OPCML: variants seen among roughly 807,000 people sequenced by gnomAD.
OPCML encodes opioid binding protein/cell adhesion molecule like.
Under a neutral mutation model 37.8 loss-of-function variants are expected in OPCML, and 13 were observed. The observed-to-expected ratio is 0.34, with a 90% CI of 0.22 to 0.55. The LOEUF (loss-of-function observed/expected upper bound fraction) is 0.55, where lower values mean the gene tolerates loss of function less well. OPCML is among the 20% of genes least tolerant of loss of function. OPCML has a pLI of 0.91. For synonymous variants in OPCML, 176 were observed against 168.8 expected, an observed-to-expected ratio of 1.04 and a Z score of -0.33; for missense variants, 341 against 435.6, an observed-to-expected ratio of 0.78 and a Z score of 1.93.
chr11:132,712,819 G>T (rs903504523), intron 2 of OPCML, among the ~76,000 whole-genome samples: 3 of 152,136 alleles, frequency 2.0e-5, no homozygotes, highest in African/African-American at 4.8e-5. Context: ...AAGGAGAGGG[G>T]AAATGACATG....
intron 1 of OPCML, among the ~76,000 whole-genome samples, chr11:133,059,811 G>A (rs1591961967): frequency 6.6e-6 from 1 of 152,154 alleles, no homozygotes. Flanking sequence ...TTAGACTTGG[G>A]TACTTGGCAG....
chr11:133,427,951 T>C (rs1946036644), intron 1 of OPCML, among the ~76,000 whole-genome samples: 1 of 152,128 alleles, frequency 6.6e-6, no homozygotes, highest in Admixed American at 6.5e-5. Flanking sequence ...ACAAGACAAA[T>C]TGCTTCCTAC....
At chr11:133,035,403 A>C (rs1268860230) in intron 1 of OPCML, among the ~76,000 whole-genome samples, 2 of 152,234 alleles carry the variant, frequency 1.3e-5, no homozygotes, top group East Asian at 3.9e-4. Flanking sequence ...AGGCACAGGC[A>C]GCACCTCCAA....
intron 1 of OPCML, among the ~76,000 whole-genome samples, chr11:133,157,639 A>G (rs1007226270): frequency 3.3e-5 from 5 of 152,060 alleles, no homozygotes; most frequent in Non-Finnish European, 5.9e-5. Context: ...CATCTTTCCA[A>G]CTAGCTCACG....
chr11:132,484,266 C>G (rs547585322), intron 4 of OPCML, among the ~76,000 whole-genome samples: 74 of 152,262 alleles, frequency 4.9e-4, no homozygotes, highest in African/African-American at 1.7e-3. Flanking sequence ...AGGACATGAA[C>G]AGACACTTCT....
intron 1 of OPCML, chr11:133,004,906 T>C: frequency 1.0e-6 from 1 of 985,364 alleles, no homozygotes; most frequent in African/African-American, 1.7e-5. Flanking sequence ...CCTCACTAGC[T>C]TCTGTGGACT....
chr11:132,947,421 T>G (rs1308305973), intron 1 of OPCML, among the ~76,000 whole-genome samples: 2 of 152,240 alleles, frequency 1.3e-5, no homozygotes, highest in African/African-American at 4.8e-5. Flanking sequence ...GGCCTGTGTC[T>G]ATTTCCTTCT....
intron 1 of OPCML, among the ~76,000 whole-genome samples, chr11:133,288,980 C>A (rs1276556126): frequency 2.0e-5 from 3 of 152,056 alleles, no homozygotes; most frequent in Non-Finnish European, 2.9e-5. Flanking sequence ...ATCAGGGACG[C>A]ACATGTGGAA....
At chr11:133,315,758 A>G (rs1196706179) in intron 1 of OPCML, among the ~76,000 whole-genome samples, 2 of 152,152 alleles carry the variant, frequency 1.3e-5, no homozygotes, top group Non-Finnish European at 2.9e-5. Context: ...AGATCATGCC[A>G]CCACACTCCA....
rs1666715877 is a variant in OPCML, at chr11:133,003,622, A to G, written c.62-60612T>C. On this transcript the variant is annotated intron_variant, in intron 1 of 7. Coordinates refer to ENST00000524381, the MANE Select transcript of OPCML (RefSeq NM_001012393.5). The stretch of plus-strand genomic sequence containing the variant: ...ATATTGGCTGGAGAGTACTTTTCAG[A>G]TGACCACAATATTCTATTGTTTTGT... The G allele has an allele frequency of 5.1e-6, 5 of 982,996 alleles. No individual in the cohort carries two copies. In the South Asian group the frequency reaches 1.9e-4, roughly 37 times the overall value. 60.9% of individuals were successfully genotyped at this position (982,996 alleles called of 1,614,324 possible).
At chr11:133,410,634 T>TAAAAAAAAAAAAAAAAAAAAAAAAAAA (rs71038527) in intron 1 of OPCML, among the ~76,000 whole-genome samples, 1 of 47,012 alleles carries the variant, frequency 2.1e-5, no homozygotes, top group African/African-American at 6.0e-5. Context: ...AGAAAAAAAG[T>TAAAAAAAAAAAAAAAAAAAAAAAAAAA]AAAAAAAAAA....
intron 1 of OPCML, among the ~76,000 whole-genome samples, chr11:133,095,502 A>C (rs1317898777): frequency 6.7e-6 from 1 of 149,294 alleles, no homozygotes; most frequent in African/African-American, 2.5e-5. Context: ...TAAATGAGAA[A>C]ATGAAAGGAT....
Position 133,345,537 on chromosome 11 carries a change from C to A in OPCML, c.61+186727G>T, listed in dbSNP as rs140890476. Among the ~76,000 whole-genome samples the A allele has an allele frequency of 2.6e-5, 4 of 152,302 alleles. No homozygotes were observed. The East Asian group carries it at 7.7e-4, about 29-fold the overall frequency. ...TAGTCTTTCATTAAATGCTAGATTC[C>A]TGTTCACAACATCACACTTGGGCTT... On this transcript the variant is annotated intron_variant, in intron 1 of 7. Coordinates refer to ENST00000524381, the MANE Select transcript of OPCML (RefSeq NM_001012393.5).
At chr11:132,675,186 T>TAG (rs1423789900) in intron 2 of OPCML, among the ~76,000 whole-genome samples, 1 of 83,918 alleles carries the variant, frequency 1.2e-5, no homozygotes, top group Admixed American at 1.4e-4. Context: ...TGTGTGTATA[T>TAG]ATATATATAT....
chr11:132,825,583 C>T (rs1157595742), intron 2 of OPCML, among the ~76,000 whole-genome samples: 1 of 152,210 alleles, frequency 6.6e-6, no homozygotes, highest in Non-Finnish European at 1.5e-5. Flanking sequence ...ACGTATAAGA[C>T]ATTCAATAAA....
intron 2 of OPCML, among the ~76,000 whole-genome samples, chr11:132,694,652 C>A (rs73051168): frequency 0.098 from 14,864 of 152,222 alleles, 848 homozygotes; most frequent in Non-Finnish European, 0.13. Context: ...TCTAAGAGAA[C>A]CTCAGAGCTG....
intron 4 of OPCML, among the ~76,000 whole-genome samples, chr11:132,462,881 G>T (rs775491861): frequency 6.6e-6 from 1 of 152,142 alleles, no homozygotes; most frequent in South Asian, 2.1e-4. Flanking sequence ...GACATGGAGA[G>T]GGACAGGGGT....
At chr11:132,581,404 T>C (rs2096461749) in intron 3 of OPCML, among the ~76,000 whole-genome samples, 1 of 152,182 alleles carries the variant, frequency 6.6e-6, no homozygotes, top group Non-Finnish European at 1.5e-5. Flanking sequence ...GGCTAACTGC[T>C]CTCCTATGTT....
intron 1 of OPCML, among the ~76,000 whole-genome samples, chr11:132,950,658 T>C (rs777525001): frequency 2.6e-5 from 4 of 152,204 alleles, no homozygotes; most frequent in Non-Finnish European, 4.4e-5. Flanking sequence ...GGTAAAGCTC[T>C]GCTGTGTGCA....
Sources: gnomAD v4.1 joint callset for allele counts (sites outside exome capture counted in the v4.1 genomes callset) on GRCh38, gnomAD v4.1.1 for gene constraint, MANE v1.5 for transcripts, NCBI Gene and HGNC (gene_info 2026-07-23, HGNC 2026-07-21) for gene names.